DNM1: variants seen among roughly 807,000 people sequenced by gnomAD.
DNM1 encodes the protein dynamin 1.
A neutral mutation model predicts 104.6 loss-of-function variants in DNM1; 29 were observed. That is an observed-to-expected ratio of 0.28 (90% CI 0.21 to 0.38). The LOEUF is 0.38. DNM1 is among the 10% of genes least tolerant of loss of function. The pLI, the probability that DNM1 is intolerant of heterozygous loss-of-function variation, is 1.00. For missense variants in DNM1, 640 were observed against 1,189.4 expected (o/e 0.54, Z 6.79); for synonymous variants, 445 against 475.8 (o/e 0.94, Z 0.84).
intron 11 of DNM1, among the ~76,000 whole-genome samples, chr9:128,236,873 C>A (rs9644952): frequency 0.3 from 44,882 of 152,020 alleles, 7,499 homozygotes; most frequent in African/African-American, 0.45. Context: ...AAAAAGCAAA[C>A]CAGTTTAGTG....
chr9:128,208,879 G>A (rs532082742), intron 1 of DNM1, among the ~76,000 whole-genome samples: 3 of 152,226 alleles, frequency 2.0e-5, no homozygotes, highest in Non-Finnish European at 2.9e-5. Flanking sequence ...AGACTAGGAC[G>A]TGGTCAAGCC....
At chr9:128,235,665 T>G (rs1835966163) in intron 11 of DNM1, among the ~76,000 whole-genome samples, 1 of 152,160 alleles carries the variant, frequency 6.6e-6, no homozygotes, top group South Asian at 2.1e-4. Flanking sequence ...TTCTACCCTT[T>G]TGAGTATATA....
chr9:128,239,840 TG>T, intron 13 of DNM1, 61 bp downstream of exon 13: 1 of 1,580,284 alleles, frequency 6.3e-7, no homozygotes, highest in Non-Finnish European at 8.7e-7. Flanking sequence ...CACCAGACTC[TG>T]AGAGCCCCCT....
At chr9:128,205,345 G>A (rs1231059000) in intron 1 of DNM1, among the ~76,000 whole-genome samples, 1 of 152,148 alleles carries the variant, frequency 6.6e-6, no homozygotes, top group Admixed American at 6.5e-5. Context: ...ATTTCAGCCC[G>A]CATCTACTGA....
intron 4 of DNM1, among the ~76,000 whole-genome samples, 177 bp from the exon 5 acceptor site, chr9:128,219,811 C>A (rs1462879880): frequency 6.6e-6 from 1 of 151,830 alleles, no homozygotes; most frequent in Non-Finnish European, 1.5e-5. Context: ...AATAAAAAAA[C>A]AAGAAGAATA....
chr9:128,242,722 T>C (rs546556444), intron 15 of DNM1, among the ~76,000 whole-genome samples: 1 of 152,004 alleles, frequency 6.6e-6, no homozygotes, highest in Non-Finnish European at 1.5e-5. Context: ...ATCGCACCAT[T>C]GCACTCCAGC....
chr9:128,213,203 TC>T (rs995126239), intron 1 of DNM1, among the ~76,000 whole-genome samples: 25 of 152,082 alleles, frequency 1.6e-4, no homozygotes, highest in African/African-American at 5.1e-4. Flanking sequence ...TGCCTCAGTC[TC>T]CCGAGTAGCT....
rs935942518 is a variant in DNM1 at position 128,254,336 on chromosome 9, G to A, written c.2535-318G>A. ...GTGACCAGAGAAGAGGGAAGCCCGA[G>A]GGGGCCGAGCATCAGCCTGAATTGC... On this transcript the variant is annotated intron_variant, in intron 21 of 21. Coordinates refer to ENST00000372923, the MANE Select transcript of DNM1 (RefSeq NM_004408.4). The surrounding 1 kb of genome is among the most constrained non-coding windows in gnomAD (Gnocchi z 6.1). The A allele has an allele frequency of 3.6e-6, 5 of 1,401,988 alleles. No homozygotes were observed. The highest frequency in any genetic ancestry group is 3.7e-6 in the Non-Finnish European group (4 of 1,087,418). The allele number at this position is 1,401,988 out of a possible 1,614,324, so 86.8% of individuals were successfully genotyped here. A position where few individuals can be genotyped will look rare whatever the true frequency, so the allele number is the denominator to read the frequency against.
rs1328484385 is a variant in DNM1, at chr9:128,253,086, C to T, written c.2535-1568C>T. 2.5e-6 allele frequency: 4 copies of T among 1,611,196 alleles called. No homozygotes were observed. Among genetic ancestry groups the T allele is most frequent in the African/African-American group, 2.7e-5 (2 of 75,020 alleles). ...TGCGTGTGAACTGCCATGTTGATTT[C>T]GTGCTGTCTTTCAGAATCACTATCA... On this transcript the variant is annotated intron_variant, in intron 21 of 21. Coordinates refer to ENST00000372923, the MANE Select transcript of DNM1 (RefSeq NM_004408.4). The surrounding 1 kb of genome is among the most constrained non-coding windows in gnomAD (Gnocchi z 5.9).
rs1415354713 is a variant in DNM1 at position 128,219,224 on chromosome 9, C to T, written c.561C>T (p.Leu187=). The T allele has an allele frequency of 6.2e-7, 1 of 1,614,064 alleles. No homozygotes were observed. The highest frequency in any genetic ancestry group is 1.3e-5 in the African/African-American group (1 of 74,948). Residue 187 remains leucine (L), a synonymous_variant, in exon 4 of 22, where the codon CTC becomes CTT. Coordinates refer to ENST00000372923, the MANE Select transcript of DNM1 (RefSeq NM_004408.4). ...ANSDLANSDA[L]KVAKEVDPQG... ...CTGACCTGGCCAATTCTGACGCCCT[C>T]AAGGTCGCCAAGGAGGTGGACCCCC... is the stretch of plus-strand genomic sequence containing the variant.
chr9:128,213,139 C>T (rs774476296), intron 1 of DNM1, among the ~76,000 whole-genome samples: 9 of 152,110 alleles, frequency 5.9e-5, no homozygotes, highest in Non-Finnish European at 7.3e-5. Flanking sequence ...TGGAGTACAG[C>T]GGCAGGATCT....
intron 11 of DNM1, among the ~76,000 whole-genome samples, chr9:128,237,072 C>T (rs16930318): frequency 6.6e-5 from 10 of 152,098 alleles, no homozygotes; most frequent in African/African-American, 1.2e-4. Flanking sequence ...GAGGCAGAAA[C>T]GCTACATTTG....
chr9:128,207,455 G>A (rs889521425), intron 1 of DNM1, among the ~76,000 whole-genome samples: 10 of 152,000 alleles, frequency 6.6e-5, no homozygotes, highest in East Asian at 5.8e-4. Context: ...GGGCCTCCTC[G>A]CTGTCCCTCC....
chr9:128,238,845 C>T (rs1384126048), intron 11 of DNM1, among the ~76,000 whole-genome samples: 9 of 151,124 alleles, frequency 6.0e-5, no homozygotes, highest in African/African-American at 1.7e-4. Flanking sequence ...TTAGTAGAGA[C>T]GGGGTTTCAC....
chr9:128,242,685 G>A (rs945651355), intron 15 of DNM1, among the ~76,000 whole-genome samples: 1 of 152,086 alleles, frequency 6.6e-6, no homozygotes, highest in African/African-American at 2.4e-5. Context: ...CCTTGAACCC[G>A]GGAGGCGGAG....
intron 1 of DNM1, among the ~76,000 whole-genome samples, chr9:128,217,535 G>C (rs1834686384): frequency 6.6e-6 from 1 of 152,124 alleles, no homozygotes; most frequent in African/African-American, 2.4e-5. Context: ...TCCTGCCTCA[G>C]CCTCCCAAAT....
intron 10 of DNM1, chr9:128,232,123 C>T (rs780260472): frequency 1.1e-5 from 5 of 445,338 alleles, no homozygotes; most frequent in South Asian, 3.2e-5. Context: ...GACATCCAGG[C>T]GGTTAGTGGG....
Position 128,203,444 on chromosome 9 carries a change from T to G in DNM1, c.-27T>G, listed in dbSNP as rs373766853. ...GCCGGGAGCGCTAGCGGCAGCCGGA[T>G]CGCAGCCTGCGGGGCCCGCCGCAGC... On this transcript the variant is annotated 5_prime_UTR_variant, in exon 1 of 22. Coordinates refer to ENST00000372923, the MANE Select transcript of DNM1 (RefSeq NM_004408.4). This position sits in a 1 kb window ranked among gnomAD's most constrained non-coding sequence, Gnocchi z 5.3. 589 of 1,445,044 alleles carry G rather than the reference T, an allele frequency of 4.1e-4. No homozygotes were observed. The highest frequency in any genetic ancestry group is 4.9e-4 in the Non-Finnish European group (542 of 1,095,900). The allele number at this position is 1,445,044 out of a possible 1,614,324, so 89.5% of individuals were successfully genotyped here. A position where few individuals can be genotyped will look rare whatever the true frequency, so the allele number is the denominator to read the frequency against.
rs896578987 is a variant in DNM1, at chr9:128,239,591, T to A, written c.1493+76T>A. The A allele has an allele frequency of 6.6e-6, 8 of 1,209,758 alleles. No homozygotes were observed. The African/African-American group carries it at 1.2e-4, about 18-fold the overall frequency. 74.9% of individuals were successfully genotyped at this position (1,209,758 alleles called of 1,614,324 possible). A position where few individuals can be genotyped will look rare whatever the true frequency, so the allele number is the denominator to read the frequency against. On this transcript the variant is annotated intron_variant, in intron 12 of 21. Coordinates refer to ENST00000372923, the MANE Select transcript of DNM1 (RefSeq NM_004408.4). ...ACGTGTGTGTGTGTGTGTGTGTGTGTGTGTGTGTGTGTGTGTGTGTGTGTG... is the reference window on the plus strand; with the variant it reads ...ACGTGTGTGTGTGTGTGTGTGTGTGAGTGTGTGTGTGTGTGTGTGTGTGTG...
Sources: allele counts gnomAD v4.1 joint callset (sites outside exome capture counted in the v4.1 genomes callset), GRCh38; gene constraint gnomAD v4.1.1; non-coding constraint Gnocchi (gnomAD v3.1); transcripts MANE v1.5; gene names NCBI Gene and HGNC (gene_info 2026-07-23, HGNC 2026-07-21).